TUSC3: variants seen among roughly 807,000 people sequenced by gnomAD.
TUSC3 encodes dolichyl-diphosphooligosaccharide--protein glycosyltransferase subunit TUSC3.
TUSC3 carries 45 observed loss-of-function variants against 44.8 expected under a neutral mutation model. That is an observed-to-expected ratio of 1.00 (90% CI 0.79 to 1.29). The LOEUF (loss-of-function observed/expected upper bound fraction) is 1.29, where lower values mean the gene tolerates loss of function less well. Ranked by LOEUF, TUSC3 falls within the 50% of genes most tolerant of loss-of-function variation. The pLI, the probability that TUSC3 is intolerant of heterozygous loss-of-function variation, is 0.00. For synonymous variants in TUSC3, 212 were observed against 152.9 expected, an observed-to-expected ratio of 1.39 and a Z score of -2.85; for missense variants, 519 against 437.9, an observed-to-expected ratio of 1.19 and a Z score of -1.65.
chr8:15,767,111 G>T (rs949524203), downstream of TUSC3, among the ~76,000 whole-genome samples: 2 of 152,076 alleles, frequency 1.3e-5, no homozygotes, highest in African/African-American at 4.8e-5. Flanking sequence ...GAGCATTGTA[G>T]CTAGTCACAC....
chr8:15,566,283 T>G (rs937828973), intron 1 of TUSC3, among the ~76,000 whole-genome samples: 1 of 152,172 alleles, frequency 6.6e-6, no homozygotes, highest in Non-Finnish European at 1.5e-5. Flanking sequence ...TGCAGCAGTT[T>G]TATTGTCAGT....
intron 8 of TUSC3, among the ~76,000 whole-genome samples, chr8:15,744,956 T>C (rs1294872898): frequency 6.6e-6 from 1 of 152,044 alleles, no homozygotes; most frequent in African/African-American, 2.4e-5. Context: ...CCTCACTCCA[T>C]CCCCACTCTA....
intron 2 of TUSC3, among the ~76,000 whole-genome samples, chr8:15,492,425 G>C (rs1216966003): frequency 6.6e-6 from 1 of 151,984 alleles, no homozygotes; most frequent in Non-Finnish European, 1.5e-5. Context: ...AGTTCTAGAA[G>C]GCAAGATTAA....
At chr8:15,522,290 T>A (rs1170274770) in intron 2 of TUSC3, among the ~76,000 whole-genome samples, 4 of 152,038 alleles carry the variant, frequency 2.6e-5, no homozygotes, top group Admixed American at 6.6e-5. Context: ...TGGAGTGCAG[T>A]GGTGCTATCT....
At chr8:15,646,013 A>T (rs1806610831) in intron 2 of TUSC3, among the ~76,000 whole-genome samples, 1 of 152,224 alleles carries the variant, frequency 6.6e-6, no homozygotes, top group Admixed American at 6.5e-5. Context: ...CCTTTATTAA[A>T]TGCCACTTCT....
intron 6 of TUSC3, chr8:15,689,071 C>A (rs528732382): frequency 8.6e-6 from 3 of 348,662 alleles, no homozygotes. Flanking sequence ...ACAAAATCTT[C>A]TGCCCTGTAG....
At chr8:15,489,489 A>G (rs1800777846) in intron 2 of TUSC3, among the ~76,000 whole-genome samples, 1 of 152,188 alleles carries the variant, frequency 6.6e-6, no homozygotes, top group Admixed American at 6.5e-5. Flanking sequence ...AAACACCTGG[A>G]AAGGGAAGAG....
chr8:15,474,823 T>C (rs1371840788), intron 1 of TUSC3, among the ~76,000 whole-genome samples: 1 of 152,192 alleles, frequency 6.6e-6, no homozygotes, highest in Non-Finnish European at 1.5e-5. Context: ...ACTTCTCACA[T>C]TGCTCCTTCA....
chr8:15,666,014 G>A (rs1807644721), intron 5 of TUSC3, among the ~76,000 whole-genome samples: 1 of 151,424 alleles, frequency 6.6e-6, no homozygotes, highest in East Asian at 1.9e-4. Flanking sequence ...TGAATTTAAA[G>A]TAGAATGATG....
At chr8:15,524,677 C>CTA (rs1224706861) in intron 2 of TUSC3, among the ~76,000 whole-genome samples, 1 of 152,112 alleles carries the variant, frequency 6.6e-6, no homozygotes, top group Non-Finnish European at 1.5e-5. Flanking sequence ...TAAAAAAAGA[C>CTA]CCAATGGAGA....
intron 1 of TUSC3, among the ~76,000 whole-genome samples, chr8:15,449,817 G>A (rs1800169322): frequency 6.6e-6 from 1 of 152,106 alleles, no homozygotes; most frequent in African/African-American, 2.4e-5. Context: ...CCCTATGTAG[G>A]TGACCGTTTT....
Position 15,492,238 on chromosome 8 carries a change from C to T in TUSC3, n.189+8755C>T, listed in dbSNP as rs75171461. Among the ~76,000 whole-genome samples the T allele has an allele frequency of 9.5e-4, 145 of 152,144 alleles. 2 individuals are homozygous for T. In the East Asian group the frequency reaches 0.024, roughly 25 times the overall value. The stretch of plus-strand genomic sequence containing the variant: ...TTGGGTACGTTAATAATATGAAGAG[C>T]GATGGGAGTTAGCACGAACTCAAGA... On this transcript the variant is annotated intron_variant and non_coding_transcript_variant, in intron 2 of 5. Transcript: ENST00000503191.
intron 6 of TUSC3, among the ~76,000 whole-genome samples, chr8:15,677,194 C>G (rs184405422): frequency 1.3e-5 from 2 of 152,138 alleles, no homozygotes; most frequent in East Asian, 1.9e-4. Flanking sequence ...GAAATAGGGT[C>G]TCACTGTGTT....
intron 6 of TUSC3, among the ~76,000 whole-genome samples, chr8:15,707,983 T>G (rs969214723): frequency 9.2e-5 from 14 of 151,934 alleles, no homozygotes; most frequent in African/African-American, 3.4e-4. Context: ...TTTGCCTCCA[T>G]CTTCACATCC....
chr8:15,526,845 T>C (rs1378440901), intron 2 of TUSC3, among the ~76,000 whole-genome samples: 1 of 152,158 alleles, frequency 6.6e-6, no homozygotes, highest in East Asian at 1.9e-4. Context: ...TAGGGGTGGC[T>C]TTCAGAAAAA....
At chr8:15,685,299 G>C (rs1015269996) in intron 6 of TUSC3, among the ~76,000 whole-genome samples, 10 of 151,690 alleles carry the variant, frequency 6.6e-5, no homozygotes, top group Non-Finnish European at 8.8e-5. Flanking sequence ...CAGTACAGGA[G>C]GCCGGTCCTA....
chr8:15,441,132 C>T (rs982667022), intron 1 of TUSC3, among the ~76,000 whole-genome samples: 6 of 152,222 alleles, frequency 3.9e-5, no homozygotes, highest in African/African-American at 1.4e-4. Flanking sequence ...GATGGCCAGG[C>T]ACAGTGGCTC....
At chr8:15,675,575 A>C (rs181551825) in intron 6 of TUSC3, among the ~76,000 whole-genome samples, 1 of 152,204 alleles carries the variant, frequency 6.6e-6, no homozygotes, top group East Asian at 1.9e-4. Context: ...TATAGTACCA[A>C]ATAGGTAGTT....
chr8:15,787,050 A>G, the TUSC3 span, among the ~76,000 whole-genome samples: 19,866 of 151,794 alleles, frequency 0.13, 1,314 homozygotes, highest in African/African-American at 0.17. Context: ...GCTATATTCA[A>G]TGCTTTTTAT....
Sources: allele counts gnomAD v4.1 joint callset (sites outside exome capture counted in the v4.1 genomes callset), GRCh38; gene constraint gnomAD v4.1.1; transcripts MANE v1.5; gene names NCBI Gene and HGNC (gene_info 2026-07-23, HGNC 2026-07-21).